NEBL: variants seen among roughly 807,000 people sequenced by gnomAD.
The protein encoded by NEBL is nebulette, also known as LIM and SH3 protein 2.
In NEBL, 122 loss-of-function variants were observed where a neutral mutation model predicts 140.2. The observed-to-expected ratio is 0.87, with a 90% CI of 0.75 to 1.01. The LOEUF (loss-of-function observed/expected upper bound fraction) is 1.01, where lower values mean the gene tolerates loss of function less well. NEBL is among the 50% of genes least tolerant of loss of function. The probability of loss-of-function intolerance (pLI) is 0.00; values close to 1 mark genes in which losing one functional copy is unlikely to be tolerated. For synonymous variants in NEBL, 436 were observed against 398.9 expected, an observed-to-expected ratio of 1.09 and a Z score of -1.11; for missense variants, 1,365 against 1,231.3, an observed-to-expected ratio of 1.11 and a Z score of -1.62.
intron 2 of NEBL, among the ~76,000 whole-genome samples, chr10:21,041,965 A>ATACAG (rs1834287852): frequency 6.6e-6 from 1 of 152,142 alleles, no homozygotes; most frequent in Non-Finnish European, 1.5e-5. Context: ...AGCAGCGAGG[A>ATACAG]TGACCAGAGG....
intron 19 of NEBL, among the ~76,000 whole-genome samples, chr10:20,820,967 C>T (rs894599655): frequency 6.6e-6 from 1 of 152,046 alleles, no homozygotes; most frequent in Non-Finnish European, 1.5e-5. Flanking sequence ...GTTCCTCTGG[C>T]CTCTTTCCTC....
intron 3 of NEBL, among the ~76,000 whole-genome samples, chr10:20,976,337 T>TAA (rs34974239): frequency 7.6e-6 from 1 of 131,478 alleles, no homozygotes; most frequent in Non-Finnish European, 1.7e-5. Context: ...GACTCTATAT[T>TAA]AAAAAAAAAA....
Position 21,016,981 on chromosome 10 carries a change from C to T in NEBL, c.249+3136G>A, listed in dbSNP as rs186538828. On this transcript the variant is annotated intron_variant, in intron 3 of 6. Coordinates refer to the NEBL transcript ENST00000417816. ...CCAAATTCTACCTTTACATACATTG[C>T]ATCAACCCTTGTATTGCAATTCTTT... 9.8e-5 allele frequency among the ~76,000 whole-genome samples: 15 copies of T among 152,326 alleles called. No individual in the cohort carries two copies. In the East Asian group the frequency reaches 1.9e-3, roughly 20 times the overall value.
chr10:21,174,661 G>C (rs545894685), upstream of NEBL: 563 of 152,350 alleles, frequency 3.7e-3, 1 homozygote, highest in Non-Finnish European at 6.3e-3. Flanking sequence ...CCCAAGGGCC[G>C]GGAGATCCGC....
At chr10:20,951,269 G>C (rs1835448309) in intron 4 of NEBL, among the ~76,000 whole-genome samples, 1 of 151,832 alleles carries the variant, frequency 6.6e-6, no homozygotes, top group African/African-American at 2.4e-5. Flanking sequence ...CCTTCAGACA[G>C]AAATTTAGAT....
At chr10:20,894,884 G>A (rs545954086) in intron 2 of NEBL, among the ~76,000 whole-genome samples, 172 of 147,074 alleles carry the variant, frequency 1.2e-3, no homozygotes, top group African/African-American at 4.1e-3. Flanking sequence ...AGCCGAGATC[G>A]TGCCACTGCC....
intron 2 of NEBL, among the ~76,000 whole-genome samples, chr10:21,164,989 C>A (rs1384762332): frequency 6.6e-6 from 1 of 152,206 alleles, no homozygotes; most frequent in Non-Finnish European, 1.5e-5. Flanking sequence ...CAATATCCTT[C>A]CATAGAAACA....
chr10:20,850,416 C>A lies in NEBL; in HGVS notation c.1095G>T (p.Glu365Asp). ...VETPSYQASK[E>D]AQKMQSEKVY... ...CTACTTCACTTTGCATCTTTTGAGC[C>A]TCCTTTGAAGCTTGATATGATGGTG... The change falls in exon 11 of 28, where the codon GAG becomes GAT. Residue 365 changes from glutamate to aspartate, a missense_variant. Physicochemically the swap from Glu to Asp is conservative, Grantham distance 45. Transcript: ENST00000377122. The A allele has an allele frequency of 1.9e-6, 3 of 1,608,794 alleles. No individual in the cohort carries two copies. Among genetic ancestry groups the A allele is most frequent in the Non-Finnish European group, 2.6e-6 (3 of 1,175,234 alleles).
chr10:20,980,065 C>A (rs74229950), intron 3 of NEBL, among the ~76,000 whole-genome samples: 228 of 127,936 alleles, frequency 1.8e-3, no homozygotes, highest in East Asian at 2.4e-3. Flanking sequence ...AAAAAAAAAA[C>A]AAACCATAAA....
chr10:21,016,780 C>A (rs540867220), intron 3 of NEBL, among the ~76,000 whole-genome samples: 1 of 152,260 alleles, frequency 6.6e-6, no homozygotes, highest in African/African-American at 2.4e-5. Context: ...TGCTCTCATG[C>A]AGAATCAAAT....
intron 2 of NEBL, among the ~76,000 whole-genome samples, chr10:21,154,931 TG>T (rs1353603728): frequency 6.6e-6 from 1 of 152,234 alleles, no homozygotes; most frequent in African/African-American, 2.4e-5. Context: ...CTGGGCGTAG[TG>T]GCTCACGCCT....
chr10:21,236,727 G>A (rs564536895), intron 3 of NEBL, among the ~76,000 whole-genome samples: 12 of 152,072 alleles, frequency 7.9e-5, no homozygotes, highest in African/African-American at 1.7e-4. Flanking sequence ...TAAATCTGAC[G>A]TAATTTAGGC....
chr10:21,279,000 T>G (rs971344874), intron 1 of NEBL, among the ~76,000 whole-genome samples: 2 of 152,170 alleles, frequency 1.3e-5, no homozygotes, highest in Non-Finnish European at 2.9e-5. Context: ...CCCAGCGCCA[T>G]GAAGAAAGAT....
At chr10:20,970,592 T>G (rs1836526779) in intron 3 of NEBL, among the ~76,000 whole-genome samples, 1 of 151,848 alleles carries the variant, frequency 6.6e-6, no homozygotes, top group Admixed American at 6.6e-5. Flanking sequence ...AAGGCTGCAG[T>G]GAGCTGTGAT....
chr10:21,083,547 C>T (rs953182837), intron 2 of NEBL, among the ~76,000 whole-genome samples: 5 of 152,056 alleles, frequency 3.3e-5, no homozygotes, highest in African/African-American at 9.7e-5. Flanking sequence ...CACTATATAC[C>T]GCTCCTCTCA....
rs75685820 is a variant in NEBL at position 20,865,638 on chromosome 10, C to T, written c.684+3026G>A. 2.4e-3 allele frequency among the ~76,000 whole-genome samples: 366 copies of T among 152,208 alleles called. 11 individuals carry two copies. The East Asian group carries it at 0.053, about 22-fold the overall frequency. ...GGAAATCTGAAGTGATGCCCATATC[C>T]CCTGTCTCTTCAACTAGCATTACTG... is the stretch of plus-strand genomic sequence containing the variant. On this transcript the variant is annotated intron_variant, in intron 7 of 27. Transcript: ENST00000377122.
Position 21,120,374 on chromosome 10 carries a change from C to CAAAAAA in NEBL, c.164+52003_164+52008dup, listed in dbSNP as rs1157067083. On this transcript the variant is annotated intron_variant, in intron 2 of 6. Transcript: ENST00000417816. Reference sequence around the variant, plus strand: ...TGGGCAACAGAGTGAGACTGTGTCTCAAAAAAAAAAAAAAAATACATATAT... The same window carrying CAAAAAA: ...TGGGCAACAGAGTGAGACTGTGTCTCAAAAAAAAAAAAAAAAAAAAAATACATATAT... 3.5e-4 allele frequency among the ~76,000 whole-genome samples: 17 copies of CAAAAAA among 48,390 alleles called. 1 individual carries two copies. The highest frequency in any genetic ancestry group is 1.6e-3 in the African/African-American group (17 of 10,820). 31.7% of individuals were successfully genotyped at this position (48,390 alleles called of 152,430 possible). A position where few individuals can be genotyped will look rare whatever the true frequency, so the allele number is the denominator to read the frequency against.
At chr10:21,255,864 C>G (rs1842652742) in intron 1 of NEBL, among the ~76,000 whole-genome samples, 1 of 151,610 alleles carries the variant, frequency 6.6e-6, no homozygotes, top group Admixed American at 6.6e-5. Flanking sequence ...AGGCGTGGGT[C>G]CCAGCTACTC....
chr10:21,080,977 C>A (rs1435607506), intron 2 of NEBL, among the ~76,000 whole-genome samples: 1 of 152,132 alleles, frequency 6.6e-6, no homozygotes, highest in Non-Finnish European at 1.5e-5. Flanking sequence ...GCCTCAGCCT[C>A]CCAAGTAGCT....
Sources: gnomAD v4.1 joint callset for allele counts (sites outside exome capture counted in the v4.1 genomes callset) on GRCh38, gnomAD v4.1.1 for gene constraint, MANE v1.5 for transcripts, NCBI Gene and HGNC (gene_info 2026-07-23, HGNC 2026-07-21) for gene names.